The following ADK variants were observed in gnomAD, a reference collection of about 807,000 sequenced individuals.
ADK encodes the protein adenosine kinase, also known as N6,N6-dimethyladenosine kinase.
A neutral mutation model predicts 44.7 loss-of-function variants in ADK; 24 were observed. That is an observed-to-expected ratio of 0.54 (90% CI 0.39 to 0.76). The LOEUF is 0.76. ADK is among the 30% of genes least tolerant of loss of function. ADK has a pLI of 0.00. For missense variants in ADK, 321 were observed against 425.1 expected (o/e 0.76, Z 2.15); for synonymous variants, 128 against 142.6 (o/e 0.90, Z 0.73).
At chr10:74,210,299 G>A (rs1316015359) in intron 2 of ADK, among the ~76,000 whole-genome samples, 2 of 132,596 alleles carry the variant, frequency 1.5e-5, no homozygotes, top group Non-Finnish European at 3.1e-5. Flanking sequence ...CTGCACTCCA[G>A]CCTGGGCGAC....
intron 6 of ADK, among the ~76,000 whole-genome samples, chr10:74,400,829 G>T (rs374346342): frequency 4.6e-5 from 7 of 152,284 alleles, no homozygotes; most frequent in South Asian, 4.1e-4. Context: ...TACATACTCA[G>T]CTCTGCTTCT....
intron 9 of ADK, among the ~76,000 whole-genome samples, chr10:74,649,469 A>G (rs1430133318): frequency 6.6e-6 from 1 of 151,944 alleles, no homozygotes; most frequent in Non-Finnish European, 1.5e-5. Flanking sequence ...ACAAAAAATT[A>G]AAACAATTAG....
chr10:74,492,807 T>C (rs1847535908), intron 6 of ADK, among the ~76,000 whole-genome samples: 1 of 152,206 alleles, frequency 6.6e-6, no homozygotes, highest in South Asian at 2.1e-4. Flanking sequence ...AGGAGGTACA[T>C]GATACCTGTT....
intron 7 of ADK, among the ~76,000 whole-genome samples, chr10:74,571,807 T>C (rs961682014): frequency 6.6e-6 from 1 of 152,188 alleles, no homozygotes; most frequent in Non-Finnish European, 1.5e-5. Context: ...TGATTTTAGT[T>C]ATTTCTTGCC....
At chr10:74,696,620 T>G (rs1328449764) in intron 10 of ADK, among the ~76,000 whole-genome samples, 1 of 152,106 alleles carries the variant, frequency 6.6e-6, no homozygotes, top group African/African-American at 2.4e-5. Context: ...TCTGCCCGCC[T>G]CGGCCTCCCA....
At chr10:74,369,763 C>T (rs911113389) in intron 4 of ADK, among the ~76,000 whole-genome samples, 4 of 152,030 alleles carry the variant, frequency 2.6e-5, no homozygotes, top group South Asian at 2.1e-4. Context: ...TACTTCTGTT[C>T]GATACTGTAC....
chr10:74,196,933 C>T (rs1041716582), intron 1 of ADK, among the ~76,000 whole-genome samples: 28 of 152,202 alleles, frequency 1.8e-4, no homozygotes, highest in Non-Finnish European at 3.1e-4. Context: ...TTTCAGTTTT[C>T]GCACTCTGCT....
At chr10:74,216,198 C>G (rs1287589485) in intron 2 of ADK, among the ~76,000 whole-genome samples, 1 of 152,036 alleles carries the variant, frequency 6.6e-6, no homozygotes, top group East Asian at 1.9e-4. Context: ...TATTTTTATG[C>G]ATTACAGTCT....
At chr10:74,389,973 A>G (rs1278898883) in intron 4 of ADK, among the ~76,000 whole-genome samples, 1 of 152,102 alleles carries the variant, frequency 6.6e-6, no homozygotes, top group Non-Finnish European at 1.5e-5. Context: ...TTATATAATA[A>G]TGACTTTATT....
At chr10:74,689,836 C>G (rs562729179) in intron 10 of ADK, among the ~76,000 whole-genome samples, 61 of 152,180 alleles carry the variant, frequency 4.0e-4, no homozygotes, top group Non-Finnish European at 7.2e-4. Flanking sequence ...AATCAACAAA[C>G]TTGTTTATTT....
chr10:74,238,249 C>T (rs1044135022), intron 3 of ADK, among the ~76,000 whole-genome samples: 2 of 152,208 alleles, frequency 1.3e-5, no homozygotes, highest in Non-Finnish European at 2.9e-5. Flanking sequence ...AAACCAGTTA[C>T]TGGCAAAGAA....
intron 6 of ADK, among the ~76,000 whole-genome samples, chr10:74,520,051 T>C (rs1345994453): frequency 6.6e-6 from 1 of 152,006 alleles, no homozygotes; most frequent in East Asian, 1.9e-4. Context: ...AACTGGAATA[T>C]ATGATTATGT....
intron 7 of ADK, among the ~76,000 whole-genome samples, chr10:74,528,980 A>G (rs965215889): frequency 6.6e-6 from 1 of 152,184 alleles, no homozygotes; most frequent in African/African-American, 2.4e-5. Flanking sequence ...TAAACATAGA[A>G]TTATTACCAT....
chr10:74,549,376 TC>T (rs1419608420), intron 7 of ADK, among the ~76,000 whole-genome samples: 2 of 152,172 alleles, frequency 1.3e-5, no homozygotes, highest in African/African-American at 4.8e-5. Flanking sequence ...CACTTATACA[TC>T]TTTTAAAATC....
chr10:74,458,100 T>C (rs2133223912), intron 6 of ADK, among the ~76,000 whole-genome samples: 1 of 151,396 alleles, frequency 6.6e-6, no homozygotes, highest in South Asian at 2.1e-4. Flanking sequence ...AAAATAATCT[T>C]TTTTAATGTG....
chr10:74,208,202 A>G (rs1449277650), intron 2 of ADK, among the ~76,000 whole-genome samples: 1 of 152,228 alleles, frequency 6.6e-6, no homozygotes, highest in Non-Finnish European at 1.5e-5. Context: ...GAGTGCAGGG[A>G]TACCTGGGTC....
chr10:74,412,983 T>A (rs1256384499), intron 6 of ADK, among the ~76,000 whole-genome samples: 2 of 151,942 alleles, frequency 1.3e-5, no homozygotes, highest in South Asian at 4.2e-4. Flanking sequence ...GCTTGAACCC[T>A]GGAGGCGGAG....
At chr10:74,165,346 T>G (rs1318297768) in intron 1 of ADK, among the ~76,000 whole-genome samples, 2 of 152,052 alleles carry the variant, frequency 1.3e-5, no homozygotes, top group East Asian at 1.9e-4. Flanking sequence ...GTGGTATCAG[T>G]AAGGTAACAC....
chr10:74,403,966 G>T (rs146581292), intron 6 of ADK, among the ~76,000 whole-genome samples: 5 of 152,088 alleles, frequency 3.3e-5, no homozygotes, highest in Admixed American at 1.3e-4. Flanking sequence ...CCGCCTCCTG[G>T]GTTCACACCA....
Sources: allele counts gnomAD v4.1 joint callset (sites outside exome capture counted in the v4.1 genomes callset), GRCh38; gene constraint gnomAD v4.1.1; transcripts MANE v1.5; gene names NCBI Gene and HGNC (gene_info 2026-07-23, HGNC 2026-07-21).